Variants in CARD16 observed in about 807,000 individuals in gnomAD.
The protein encoded by CARD16 is caspase recruitment domain-containing protein 16.
A neutral mutation model predicts 11.9 loss-of-function variants in CARD16; 8 were observed. That is an observed-to-expected ratio of 0.67 (90% CI 0.39 to 1.21). The LOEUF (loss-of-function observed/expected upper bound fraction) is 1.21, where lower values mean the gene tolerates loss of function less well. CARD16 is among the 50% of genes most tolerant of loss of function. CARD16 has a pLI of 0.01. For synonymous variants in CARD16, 44 were observed against 43.8 expected, an observed-to-expected ratio of 1.00 and a Z score of -0.02; for missense variants, 131 against 118.1, an observed-to-expected ratio of 1.11 and a Z score of -0.51.
At chr11:105,044,900 A>T in intron 1 of CARD16, 1 of 669,270 alleles carries the variant, frequency 1.5e-6, no homozygotes, top group Non-Finnish European at 2.5e-6. Context: ...GAAAGCAGAG[A>T]TCATCCTCTT....
At chr11:105,045,235 C>G (rs938244727) in intron 1 of CARD16, 56 bp downstream of exon 1, 2 of 1,613,052 alleles carry the variant, frequency 1.2e-6, no homozygotes, top group South Asian at 2.2e-5. Flanking sequence ...AAGAGCCAGC[C>G]CTTTCCACAA....
rs764599300 is a variant in CARD16, at chr11:105,044,628, A to C, written c.38T>G (p.Phe13Cys). 1 of 1,614,070 alleles carries C rather than the reference A, an allele frequency of 6.2e-7. No individual in the cohort carries two copies. Among genetic ancestry groups the C allele is most frequent in the Non-Finnish European group, 8.5e-7 (1 of 1,179,946 alleles). ...TGTACCTTCACCCATGGAATGGATA[A>C]ACAGCTTTCTCTTCTCCTTCAGGAC... The part of the protein sequence containing the change: ...DKVLKEKRKL[F>C]IHSMGEGTIN... Residue 13 changes from phenylalanine to cysteine, a missense_variant, in exon 2 of 4, where the codon TTT (phenylalanine) becomes TGT (cysteine). Coordinates refer to ENST00000673097, the MANE Select transcript of CARD16 (RefSeq NM_052889.4).
chr11:105,042,730 A>G (rs1864132821), intron 3 of CARD16, among the ~76,000 whole-genome samples: 1 of 152,170 alleles, frequency 6.6e-6, no homozygotes, highest in African/African-American at 2.4e-5. Flanking sequence ...AATAGAGAAA[A>G]ACTAAAGAAA....
At chr11:105,044,188 G>A in intron 2 of CARD16, 1 of 768,896 alleles carries the variant, frequency 1.3e-6, no homozygotes, top group Non-Finnish European at 2.1e-6. Flanking sequence ...AACAGAAAAT[G>A]AACTTTAATC....
intron 1 of CARD16, chr11:105,044,985 C>T (rs1565233621): frequency 3.4e-6 from 2 of 596,962 alleles, no homozygotes; most frequent in Non-Finnish European, 5.9e-6. Flanking sequence ...GGAACCACTG[C>T]TGCTAGTACT....
rs1393786047 is a variant in CARD16 at position 105,044,529 on chromosome 11, T to G, written c.137A>C (p.Glu46Ala). 6.2e-7 allele frequency: 1 copy of G among 1,614,154 alleles called. No individual in the cohort carries two copies. The highest frequency in any genetic ancestry group is 8.5e-7 in the Non-Finnish European group (1 of 1,179,984). ...GGTCTTATCCATAACTGTAGCATTT[T>G]CACGTTTTACTTTCTCCATCTCTTC... The part of the protein sequence containing the change: ...NQEEMEKVKR[E>A]NATVMDKTRA... Residue 46 changes from glutamate to alanine, a missense_variant, in exon 2 of 4, where the codon GAA (glutamate) becomes GCA (alanine). Transcript: ENST00000673097.
In CARD16 at chr11:105,044,629, A is replaced by G. The variant is rs61739384; in HGVS notation, c.37T>C (p.Phe13Leu). ...GTACCTTCACCCATGGAATGGATAAACAGCTTTCTCTTCTCCTTCAGGACC... is the reference window on the plus strand; with the variant it reads ...GTACCTTCACCCATGGAATGGATAAGCAGCTTTCTCTTCTCCTTCAGGACC... ...DKVLKEKRKL[F>L]IHSMGEGTIN... The change falls in exon 2 of 4, where the codon TTT (phenylalanine) becomes CTT (leucine). Residue 13 changes from phenylalanine to leucine, a missense_variant. Transcript: ENST00000673097. 6.2e-7 allele frequency: 1 copy of G among 1,614,066 alleles called. No homozygotes were observed. Among genetic ancestry groups the G allele is most frequent in the East Asian group, 2.2e-5 (1 of 44,886 alleles).
intron 3 of CARD16, 69 bp downstream of exon 3, chr11:105,043,414 T>C: frequency 9.3e-7 from 1 of 1,073,692 alleles, no homozygotes; most frequent in Non-Finnish European, 1.4e-6. Context: ...CAAGCAGAGC[T>C]CATTCCACTA....
At chr11:105,042,430 A>T (rs1864126950) in intron 3 of CARD16, among the ~76,000 whole-genome samples, 2 of 151,470 alleles carry the variant, frequency 1.3e-5, no homozygotes, top group Admixed American at 6.7e-5. Flanking sequence ...CAAGATCAAC[A>T]CAATCTGACA....
rs777166073 is a variant in CARD16, at chr11:105,045,243, C to A, written c.7+48G>T. Reference sequence around the variant, plus strand: ...CTTCCAGAAGAGCCAGCCCTTTCCACAACTCTTTCTTCCCAGGGACCTGTT... The same window carrying A: ...CTTCCAGAAGAGCCAGCCCTTTCCAAAACTCTTTCTTCCCAGGGACCTGTT... On this transcript the variant is annotated intron_variant, in intron 1 of 3. Transcript: ENST00000673097. The A allele has an allele frequency of 8.1e-5, 130 of 1,613,546 alleles. 1 individual carries two copies. In the South Asian group the frequency reaches 1.3e-3, roughly 16 times the overall value.
chr11:105,045,117 T>C lies in CARD16; in HGVS notation c.7+174A>G, dbSNP rs7933945. On this transcript the variant is annotated intron_variant, in intron 1 of 3. Coordinates refer to ENST00000673097, the MANE Select transcript of CARD16 (RefSeq NM_052889.4). ...TCTGTTCCTTTCTGGGCTTGCCTTT[T>C]CTTTCTAAAGCCTGCAAAAATCTTC... is the stretch of plus-strand genomic sequence containing the variant. 0.014 allele frequency: 12,410 copies of C among 914,860 alleles called. 977 individuals carry two copies. In the African/African-American group the frequency reaches 0.18, roughly 13 times the overall value. The allele number at this position is 914,860 out of a possible 1,614,324, so 56.7% of individuals were successfully genotyped here.
In CARD16 at chr11:105,041,624, A is replaced by G; in HGVS notation, c.*139T>C. 3 of 1,614,048 alleles carry G rather than the reference A, an allele frequency of 1.9e-6. No individual in the cohort carries two copies. Among genetic ancestry groups the G allele is most frequent in the Admixed American group, 1.7e-5 (1 of 59,998 alleles). On this transcript the variant is annotated 3_prime_UTR_variant, in exon 4 of 4. Transcript: ENST00000673097. ...TGGCACCTCTGCAACTTTTGTTTCCATATCCTTTGAGCGTCTTCTAGAAAG... is the reference window on the plus strand; with the variant it reads ...TGGCACCTCTGCAACTTTTGTTTCCGTATCCTTTGAGCGTCTTCTAGAAAG...
Position 105,045,323 on chromosome 11 carries a change from G to T in CARD16, c.-26C>A. ...GGCTTTTCTCTCCTACCCTTCTTGT[G>T]TGGGCTGAAACTGAAAGTATGTTTC... On this transcript the variant is annotated 5_prime_UTR_variant, in exon 1 of 4. Coordinates refer to ENST00000673097, the MANE Select transcript of CARD16 (RefSeq NM_052889.4). 6.2e-7 allele frequency: 1 copy of T among 1,613,934 alleles called. No individual in the cohort carries two copies. Among genetic ancestry groups the T allele is most frequent in the Non-Finnish European group, 8.5e-7 (1 of 1,179,852 alleles).
At position 105,043,521 on chromosome 11, in the gene CARD16, C is replaced by G. The variant is rs1450281934; in HGVS notation, c.*5G>C. 1 of 1,610,284 alleles carries G rather than the reference C, an allele frequency of 6.2e-7. No individual in the cohort carries two copies. The highest frequency in any genetic ancestry group is 1.7e-5 in the Admixed American group (1 of 59,914). On this transcript the variant is annotated 3_prime_UTR_variant, in exon 3 of 4. Coordinates refer to ENST00000673097, the MANE Select transcript of CARD16 (RefSeq NM_052889.4). ...AAATAGTAATTGGGAGTCTTGTGTA[C>G]TAAGCTAATTTCCAGGTATCGGACC...
At chr11:105,044,169 T>A (rs1864155500) in intron 2 of CARD16, 1 of 670,906 alleles carries the variant, frequency 1.5e-6, no homozygotes, top group Admixed American at 2.9e-5. Flanking sequence ...TTAGCTACCA[T>A]GTACTCAGAA....
In CARD16 at chr11:105,041,708, C is replaced by A. The variant is rs774199967; in HGVS notation, c.*55G>T. Reference sequence around the variant, plus strand: ...GTGGGCATAGCTGGGTTGTCCTGCACTGCCTGAAGAGCTGCAAGAGACAAG... The same window carrying A: ...GTGGGCATAGCTGGGTTGTCCTGCAATGCCTGAAGAGCTGCAAGAGACAAG... On this transcript the variant is annotated 3_prime_UTR_variant, in exon 4 of 4. Transcript: ENST00000673097. 4 of 1,613,628 alleles carry A rather than the reference C, an allele frequency of 2.5e-6. No homozygotes were observed. The South Asian group carries it at 4.4e-5, about 18-fold the overall frequency.
At chr11:105,043,612 A>G (rs1296965058) in intron 2 of CARD16, 67 bp from the exon 3 acceptor site, 1 of 1,055,324 alleles carries the variant, frequency 9.5e-7, no homozygotes, top group East Asian at 2.4e-5. Context: ...AGCAATGCAT[A>G]AGCCACTCCT....
chr11:105,045,152 C>T (rs549235240), intron 1 of CARD16, 139 bp downstream of exon 1: 7 of 1,237,502 alleles, frequency 5.7e-6, no homozygotes, highest in African/African-American at 3.0e-5. Flanking sequence ...CTAGTTCCTT[C>T]TCTCCTCCCA....
At chr11:105,042,787 G>A (rs490565) in intron 3 of CARD16, among the ~76,000 whole-genome samples, 27,215 of 152,136 alleles carry the variant, frequency 0.18, 2,637 homozygotes, top group Admixed American at 0.26. Context: ...TATATAGTGA[G>A]TATCCCATGC....
Sources: gnomAD v4.1 joint callset for allele counts (sites outside exome capture counted in the v4.1 genomes callset) on GRCh38, gnomAD v4.1.1 for gene constraint, MANE v1.5 for transcripts, NCBI Gene and HGNC (gene_info 2026-07-23, HGNC 2026-07-21) for gene names.